Variants in GPC3 observed in about 807,000 individuals in gnomAD.
The protein encoded by GPC3 is glypican-3.
In GPC3, 3 loss-of-function variants were observed where a neutral mutation model predicts 34.4. That is an observed-to-expected ratio of 0.09 (90% CI 0.04 to 0.23). GPC3 has a LOEUF of 0.23. Among genes scored for constraint, GPC3 ranks in the 10% least tolerant of loss-of-function variants. The pLI is 1.00. For synonymous variants in GPC3, 177 were observed against 174.0 expected, an observed-to-expected ratio of 1.02 and a Z score of -0.13; for missense variants, 351 against 445.6, an observed-to-expected ratio of 0.79 and a Z score of 1.91.
chrX:133,890,711 T>A (rs1189557349), intron 2 of GPC3, among the ~76,000 whole-genome samples: 3 of 108,915 alleles, frequency 2.8e-5, no homozygotes, highest in African/African-American at 1.0e-4. Flanking sequence ...TACAAAAAAA[T>A]TAACTGGGTG....
At chrX:133,863,278 T>A in intron 2 of GPC3, among the ~76,000 whole-genome samples, 1 of 111,950 alleles carries the variant, frequency 8.9e-6, no homozygotes, top group South Asian at 3.7e-4. Context: ...AGGAAAAAAA[T>A]ATTTTCTTTA....
chrX:133,701,165 GA>G (rs1265681768), intron 3 of GPC3, among the ~76,000 whole-genome samples: 1 of 111,015 alleles, frequency 9.0e-6, no homozygotes, highest in Admixed American at 9.6e-5. Flanking sequence ...CATTCTACTT[GA>G]TTTTTTTGGT....
intron 2 of GPC3, among the ~76,000 whole-genome samples, chrX:133,867,464 A>G (rs1311240990): frequency 9.0e-6 from 1 of 110,581 alleles, no homozygotes; most frequent in Admixed American, 9.7e-5. Flanking sequence ...GCAGAATCCA[A>G]TGGGGCCTAT....
At chrX:133,945,211 C>T (rs1603276585) in intron 2 of GPC3, among the ~76,000 whole-genome samples, 1 of 110,843 alleles carries the variant, frequency 9.0e-6, no homozygotes, top group Non-Finnish European at 1.9e-5. Flanking sequence ...GGCAACATGG[C>T]GAAACTCCAT....
At chrX:133,979,564 T>C (rs1276307246) in intron 1 of GPC3, among the ~76,000 whole-genome samples, 1 of 112,035 alleles carries the variant, frequency 8.9e-6, no homozygotes, top group Non-Finnish European at 1.9e-5. Context: ...AATGTTCCAA[T>C]GAGCATTCTC....
chrX:133,841,036 A>T (rs866733860), intron 2 of GPC3, among the ~76,000 whole-genome samples: 1 of 107,208 alleles, frequency 9.3e-6, no homozygotes, highest in Non-Finnish European at 1.9e-5. Flanking sequence ...CTATATTTTT[A>T]AAAAATTCTT....
intron 6 of GPC3, among the ~76,000 whole-genome samples, chrX:133,650,556 A>C (rs2070592429): frequency 9.0e-6 from 1 of 111,245 alleles, no homozygotes; most frequent in Admixed American, 9.6e-5. Flanking sequence ...ATAGTTCAAA[A>C]ATCTGTTGAA....
chrX:133,680,291 C>G (rs1426513888), intron 5 of GPC3, among the ~76,000 whole-genome samples: 1 of 111,827 alleles, frequency 8.9e-6, no homozygotes, highest in Non-Finnish European at 1.9e-5. Context: ...GTATCCCTAC[C>G]CCAGGTGGGA....
chrX:133,536,933 G>A (rs1488515466), intron 7 of GPC3, among the ~76,000 whole-genome samples: 1 of 111,372 alleles, frequency 9.0e-6, no homozygotes, highest in Non-Finnish European at 1.9e-5. Context: ...AAGAATCCTC[G>A]CAAAAAAGCA....
intron 2 of GPC3, among the ~76,000 whole-genome samples, chrX:133,851,668 T>C (rs1203104101): frequency 8.9e-6 from 1 of 111,977 alleles, no homozygotes. Flanking sequence ...CCCCCTCCCA[T>C]AGACTGCTTC....
chrX:133,947,692 T>C (rs1227829875), intron 2 of GPC3, among the ~76,000 whole-genome samples: 1 of 112,214 alleles, frequency 8.9e-6, no homozygotes, highest in Non-Finnish European at 1.9e-5. Flanking sequence ...GCCATGAAAG[T>C]CCACTAATTA....
chrX:133,836,998 A>G (rs1172034508), intron 2 of GPC3, among the ~76,000 whole-genome samples: 2 of 111,898 alleles, frequency 1.8e-5, no homozygotes, highest in Non-Finnish European at 3.8e-5. Flanking sequence ...CTCTGCGGGG[A>G]AAAAAAGCAG....
chrX:133,658,367 G>C (rs1441559597), intron 6 of GPC3, among the ~76,000 whole-genome samples: 1 of 112,151 alleles, frequency 8.9e-6, no homozygotes, highest in Non-Finnish European at 1.9e-5. Context: ...TTCTGTCACA[G>C]TTTTATACCT....
intron 5 of GPC3, among the ~76,000 whole-genome samples, chrX:133,684,530 C>T (rs181560411): frequency 9.0e-4 from 100 of 111,691 alleles, no homozygotes; most frequent in African/African-American, 2.8e-3. Context: ...AATGGACTTT[C>T]GGACCTGACT....
intron 6 of GPC3, among the ~76,000 whole-genome samples, chrX:133,646,925 T>C (rs1437713031): frequency 1.8e-5 from 2 of 112,023 alleles, no homozygotes; most frequent in African/African-American, 3.3e-5. Flanking sequence ...ACTGATGTAA[T>C]GAAGACTTAT....
chrX:133,689,843 A>T (rs772807881), intron 5 of GPC3, among the ~76,000 whole-genome samples: 4 of 112,274 alleles, frequency 3.6e-5, no homozygotes, highest in Non-Finnish European at 7.5e-5. Flanking sequence ...TCGCTAAAGT[A>T]ACATAACACT....
chrX:133,859,943 A>G (rs749846188), intron 2 of GPC3, among the ~76,000 whole-genome samples: 3 of 111,409 alleles, frequency 2.7e-5, no homozygotes, highest in African/African-American at 9.8e-5. Flanking sequence ...GAGAGATCAC[A>G]TGGCAAGAGC....
At chrX:133,653,818 T>C (rs988564141) in intron 6 of GPC3, among the ~76,000 whole-genome samples, 1 of 112,362 alleles carries the variant, frequency 8.9e-6, no homozygotes, top group Non-Finnish European at 1.9e-5. Context: ...TTGGAGTACT[T>C]ACTGTATAAG....
chrX:133,538,503 C>A (rs2069313836), intron 7 of GPC3, among the ~76,000 whole-genome samples: 1 of 111,594 alleles, frequency 9.0e-6, no homozygotes, highest in Non-Finnish European at 1.9e-5. Flanking sequence ...ATTAATGTCA[C>A]TACTCAGCTC....
Sources: gnomAD v4.1 joint callset for allele counts (sites outside exome capture counted in the v4.1 genomes callset) on GRCh38, gnomAD v4.1.1 for gene constraint, MANE v1.5 for transcripts, NCBI Gene and HGNC (gene_info 2026-07-23, HGNC 2026-07-21) for gene names.